Variants in WWOX observed in about 807,000 individuals in gnomAD.
The protein encoded by WWOX is WW domain containing oxidoreductase, also known as WW domain-containing oxidoreductase.
In WWOX, 69 loss-of-function variants were observed where a neutral mutation model predicts 46.2. That is an observed-to-expected ratio of 1.49 (90% CI 1.23 to 1.82). The LOEUF (loss-of-function observed/expected upper bound fraction) is 1.82. WWOX is among the 40% of genes most tolerant of loss of function. WWOX has a pLI of 0.00. For synonymous variants in WWOX, 359 were observed against 202.6 expected (o/e 1.77, Z -6.56); for missense variants, 919 against 542.6 (o/e 1.69, Z -6.89).
intron 8 of WWOX, among the ~76,000 whole-genome samples, chr16:79,050,568 G>A (rs1305982662): frequency 6.6e-6 from 1 of 152,186 alleles, no homozygotes; most frequent in South Asian, 2.1e-4. Context: ...AAAGCCCGGG[G>A]CATGGATCCA....
chr16:79,050,726 T>C (rs1301560715), intron 8 of WWOX, among the ~76,000 whole-genome samples: 1 of 151,994 alleles, frequency 6.6e-6, no homozygotes, highest in Non-Finnish European at 1.5e-5. Context: ...TGGGGCTACA[T>C]AGGTTGGGGG....
intron 8 of WWOX, among the ~76,000 whole-genome samples, chr16:78,869,687 C>T (rs1478734088): frequency 1.3e-5 from 2 of 152,194 alleles, no homozygotes; most frequent in African/African-American, 2.4e-5. Flanking sequence ...ACTTACAGTG[C>T]ATCGCCCACT....
intron 8 of WWOX, among the ~76,000 whole-genome samples, chr16:78,559,384 G>C (rs2044379696): frequency 6.6e-6 from 1 of 152,194 alleles, no homozygotes; most frequent in Admixed American, 6.5e-5. Context: ...GATGGATATA[G>C]ACTAAGACAT....
At chr16:78,830,811 C>T (rs1007491246) in intron 8 of WWOX, among the ~76,000 whole-genome samples, 10 of 151,888 alleles carry the variant, frequency 6.6e-5, no homozygotes, top group African/African-American at 2.4e-4. Flanking sequence ...TCCCTCCTTG[C>T]CACTGTAAAT....
chr16:78,348,653 T>A lies in WWOX; in HGVS notation c.517-38207T>A, dbSNP rs1319917269. ...CTACATTTTCTGTAGAGACGGGCTT[T>A]CCCCATGTTGCCCAGGCTGGTCTCT... On this transcript the variant is annotated intron_variant, in intron 5 of 8. Transcript: ENST00000566780. Among the ~76,000 whole-genome samples the A allele has an allele frequency of 5.1e-5, 6 of 118,768 alleles. 1 individual carries two copies. The highest frequency in any genetic ancestry group is 1.7e-4 in the African/African-American group (6 of 34,964). 77.9% of individuals were successfully genotyped at this position (118,768 alleles called of 152,430 possible). A position where few individuals can be genotyped will look rare whatever the true frequency, so the allele number is the denominator to read the frequency against.
intron 6 of WWOX, among the ~76,000 whole-genome samples, chr16:78,417,689 T>G (rs970329161): frequency 6.6e-6 from 1 of 152,190 alleles, no homozygotes; most frequent in African/African-American, 2.4e-5. Context: ...TGCTACAAAT[T>G]AGTAGATTCT....
At chr16:78,133,891 T>A (rs2033696017) in intron 4 of WWOX, among the ~76,000 whole-genome samples, 1 of 152,224 alleles carries the variant, frequency 6.6e-6, no homozygotes, top group Admixed American at 6.5e-5. Context: ...TAGAGAGTTG[T>A]CACATTTAGA....
chr16:79,098,804 T>C (rs931853123), intron 8 of WWOX, among the ~76,000 whole-genome samples: 3 of 152,228 alleles, frequency 2.0e-5, no homozygotes, highest in Admixed American at 2.0e-4. Context: ...AAGAAAAATG[T>C]ACATTCTCCT....
chr16:79,057,073 C>T (rs892707103), intron 8 of WWOX, among the ~76,000 whole-genome samples: 2 of 152,120 alleles, frequency 1.3e-5, no homozygotes, highest in Non-Finnish European at 2.9e-5. Context: ...CCGCCATGGG[C>T]CTGAATTGAA....
At chr16:78,163,053 A>T (rs770482885) in intron 4 of WWOX, among the ~76,000 whole-genome samples, 1 of 152,188 alleles carries the variant, frequency 6.6e-6, no homozygotes, top group Non-Finnish European at 1.5e-5. Context: ...CTGTTTCTGA[A>T]TAACTTGATT....
chr16:79,023,960 C>CAAA (rs1042404187), intron 8 of WWOX, among the ~76,000 whole-genome samples: 1 of 151,244 alleles, frequency 6.6e-6, no homozygotes, highest in African/African-American at 2.4e-5. Context: ...TCTCAAAAAA[C>CAAA]AAACAAAAAA....
chr16:78,889,064 A>G (rs1020939157), intron 8 of WWOX, among the ~76,000 whole-genome samples: 1 of 151,990 alleles, frequency 6.6e-6, no homozygotes, highest in South Asian at 2.1e-4. Context: ...TTACAAGAAG[A>G]TGTCTCTCTT....
intron 8 of WWOX, among the ~76,000 whole-genome samples, chr16:78,782,008 C>T (rs1314438331): frequency 6.6e-6 from 1 of 152,150 alleles, no homozygotes; most frequent in Non-Finnish European, 1.5e-5. Context: ...GTTCCAAAAC[C>T]TGCCCTTTTA....
At chr16:79,072,004 C>T (rs1043306307) in intron 8 of WWOX, among the ~76,000 whole-genome samples, 12 of 152,130 alleles carry the variant, frequency 7.9e-5, no homozygotes, top group East Asian at 1.9e-4. Context: ...GCTTATACGC[C>T]GGCCATGGTG....
chr16:79,082,925 C>T (rs888187799), intron 8 of WWOX, among the ~76,000 whole-genome samples: 19 of 152,048 alleles, frequency 1.2e-4, no homozygotes, highest in Non-Finnish European at 2.4e-4. Flanking sequence ...TTTGGGAGGC[C>T]GGGGATACTA....
At chr16:78,146,373 T>C (rs2034198092) in intron 4 of WWOX, among the ~76,000 whole-genome samples, 1 of 152,178 alleles carries the variant, frequency 6.6e-6, no homozygotes, top group Non-Finnish European at 1.5e-5. Context: ...ATGTTGGGGA[T>C]CCTACCAAGA....
chr16:78,145,278 A>C (rs1482890533), intron 4 of WWOX, among the ~76,000 whole-genome samples: 1 of 152,164 alleles, frequency 6.6e-6, no homozygotes, highest in African/African-American at 2.4e-5. Flanking sequence ...TGACTCCCAC[A>C]ATCACAAGCT....
At chr16:78,113,461 A>T (rs1567577758) in intron 3 of WWOX, among the ~76,000 whole-genome samples, 1 of 152,160 alleles carries the variant, frequency 6.6e-6, no homozygotes, top group South Asian at 2.1e-4. Context: ...TTCCAATAAA[A>T]CTTTATTTAC....
intron 8 of WWOX, chr16:79,202,677 T>C (rs2051382475): frequency 6.6e-6 from 1 of 152,154 alleles, no homozygotes; most frequent in Non-Finnish European, 1.5e-5. Flanking sequence ...GAGAGTTTTT[T>C]CCCCTCTGTT....
Sources: allele counts gnomAD v4.1 joint callset (sites outside exome capture counted in the v4.1 genomes callset), GRCh38; gene constraint gnomAD v4.1.1; transcripts MANE v1.5; gene names NCBI Gene and HGNC (gene_info 2026-07-23, HGNC 2026-07-21).